COL9A3: variants seen among roughly 807,000 people sequenced by gnomAD.
The protein encoded by COL9A3 is collagen alpha-3(IX) chain.
A neutral mutation model predicts 110.2 loss-of-function variants in COL9A3; 82 were observed. The observed-to-expected ratio is 0.74, with a 90% CI of 0.62 to 0.89. The LOEUF (loss-of-function observed/expected upper bound fraction) is 0.89. Among genes scored for constraint, COL9A3 ranks in the 40% least tolerant of loss-of-function variants. COL9A3 has a pLI of 0.00. For missense variants in COL9A3, 1,066 were observed against 981.3 expected, an observed-to-expected ratio of 1.09 and a Z score of -1.15; for synonymous variants, 494 against 403.8, an observed-to-expected ratio of 1.22 and a Z score of -2.68.
intron 27 of COL9A3, 21 bp from the exon 28 acceptor site, chr20:62,836,166 C>T: frequency 6.2e-7 from 1 of 1,612,288 alleles, no homozygotes; most frequent in South Asian, 1.1e-5. Context: ...CCCTGACCCA[C>T]CTTCCTCTGT....
chr20:62,817,513 C>T, intron 1 of COL9A3, 54 bp from the exon 2 acceptor site: 1 of 1,301,170 alleles, frequency 7.7e-7, no homozygotes, highest in Non-Finnish European at 1.1e-6. Flanking sequence ...GAGGGGACGC[C>T]GGGTCAGGCC....
intron 12 of COL9A3, among the ~76,000 whole-genome samples, 180 bp downstream of exon 12, chr20:62,825,201 T>A (rs138255795): frequency 6.0e-5 from 4 of 67,068 alleles, no homozygotes; most frequent in South Asian, 6.0e-4. Context: ...GCTCCGGCGG[T>A]GGGGAGGGAC....
At chr20:62,824,322 TG>T in intron 10 of COL9A3, 122 bp from the exon 11 acceptor site, 1 of 998,990 alleles carries the variant, frequency 1.0e-6, no homozygotes, top group East Asian at 2.6e-5. Flanking sequence ...CCATGAGGAG[TG>T]GCCTCCCGGG....
chr20:62,830,539 A>T lies in COL9A3; in HGVS notation c.1238A>T (p.Asp413Val). The change falls in exon 24 of 32, where the codon GAC becomes GTC. Residue 413 changes from aspartate to valine, a missense_variant. Coordinates refer to ENST00000649368, the MANE Select transcript of COL9A3 (RefSeq NM_001853.4). ...GFQGQKGSMG[D>V]PGLPGPQGLR... is the part of the protein sequence containing the mutation. ...CAGGGCCAGAAGGGCAGCATGGGAG[A>T]CCCCGGCCTTCCAGGCCCCCAGGGC... 6.2e-7 allele frequency: 1 copy of T among 1,607,634 alleles called. No homozygotes were observed.
intron 19 of COL9A3, among the ~76,000 whole-genome samples, 168 bp downstream of exon 19, chr20:62,829,144 G>A (rs747621830): frequency 3.0e-4 from 46 of 152,220 alleles, no homozygotes; most frequent in Non-Finnish European, 5.4e-4. Context: ...AGTGGGTGCT[G>A]TGGACGGTTG....
At chr20:62,821,589 G>A (rs2063513702) in intron 7 of COL9A3, 59 bp downstream of exon 7, 2 of 1,610,986 alleles carry the variant, frequency 1.2e-6, no homozygotes, top group African/African-American at 1.3e-5. Context: ...GAGCCTGCCA[G>A]GCTGGGATGT....
At chr20:62,832,292 C>T (rs543052918) in intron 25 of COL9A3, 103 bp downstream of exon 25, 1 of 1,151,326 alleles carries the variant, frequency 8.7e-7, no homozygotes, top group East Asian at 2.4e-5. Context: ...GTTTTCGGGA[C>T]ACTGAGCCTC....
In COL9A3 at chr20:62,827,249, A is replaced by G. The variant is rs1179646048; in HGVS notation, c.801A>G (p.Arg267=). ...IPGAPGKAGD[R]GERGPEGFRG... is the part of the protein sequence containing the mutation. ...CACCTCATCCTTTCCAGGGTGACCG[A>G]GGCGAGAGGGGCCCAGAAGGGTTCC... Residue 267 remains arginine (R), a synonymous_variant, in exon 16 of 32, where the codon CGA becomes CGG. Transcript: ENST00000649368. 6.2e-7 allele frequency: 1 copy of G among 1,613,146 alleles called. No individual in the cohort carries two copies. Among genetic ancestry groups the G allele is most frequent in the East Asian group, 2.2e-5 (1 of 44,882 alleles).
intron 26 of COL9A3, 123 bp downstream of exon 26, chr20:62,833,187 C>G: frequency 1.2e-6 from 1 of 832,582 alleles, no homozygotes; most frequent in Non-Finnish European, 2.1e-6. Flanking sequence ...GGCAGCTCTG[C>G]TGGGCAGCGT....
intron 29 of COL9A3, 105 bp from the exon 30 acceptor site, chr20:62,836,978 A>G (rs772137546): frequency 1.4e-6 from 2 of 1,428,736 alleles, no homozygotes; most frequent in Non-Finnish European, 2.0e-6. Flanking sequence ...CAGAAGGAAA[A>G]CTTGCTTCTG....
chr20:62,822,457 G>T, intron 9 of COL9A3, 134 bp from the exon 10 acceptor site: 1 of 950,690 alleles, frequency 1.1e-6, no homozygotes, highest in South Asian at 1.4e-5. Context: ...CCACTTGGGG[G>T]ACAGGATGAA....
chr20:62,817,539 G>C (rs779120355), intron 1 of COL9A3, 28 bp from the exon 2 acceptor site: 1 of 1,502,850 alleles, frequency 6.7e-7, no homozygotes, highest in Admixed American at 2.0e-5. Flanking sequence ...GGGCACCTGC[G>C]CTCCTTAATG....
intron 30 of COL9A3, among the ~76,000 whole-genome samples, chr20:62,837,484 GAAC>G (rs1182152619): frequency 6.6e-6 from 1 of 152,218 alleles, no homozygotes; most frequent in Non-Finnish European, 1.5e-5. Context: ...AATACCATTA[GAAC>G]AATATTTGGC....
At chr20:62,822,981 A>G (rs1224262349) in intron 10 of COL9A3, among the ~76,000 whole-genome samples, 1 of 152,244 alleles carries the variant, frequency 6.6e-6, no homozygotes, top group Non-Finnish European at 1.5e-5. Context: ...AGATGGCGAC[A>G]GAACTGGAGT....
intron 5 of COL9A3, among the ~76,000 whole-genome samples, 164 bp downstream of exon 5, chr20:62,820,146 AGTC>A (rs1038479340): frequency 3.9e-5 from 6 of 152,284 alleles, no homozygotes; most frequent in Admixed American, 3.9e-4. Context: ...CCAAGTGGCC[AGTC>A]CCCTGTGCCT....
chr20:62,827,942 G>C lies in COL9A3; in HGVS notation c.866G>C (p.Gly289Ala). ...CTCTAGGGCAGACCTGGTCCCAAGG[G>C]AACCCCCGGAGTGGCCGGGCCAAGC... is the stretch of plus-strand genomic sequence containing the variant. ...KGDLGRPGPK[G>A]TPGVAGPSGE... is the part of the protein sequence containing the mutation. The change falls in exon 17 of 32, where the codon GGA becomes GCA. Residue 289 changes from glycine (G) to alanine (A), a missense_variant. Transcript: ENST00000649368. 6.2e-7 allele frequency: 1 copy of C among 1,612,974 alleles called. No homozygotes were observed. Among genetic ancestry groups the C allele is most frequent in the Non-Finnish European group, 8.5e-7 (1 of 1,179,990 alleles).
Position 62,829,776 on chromosome 20 carries a change from G to A in COL9A3, c.1118G>A (p.Gly373Asp). The A allele has an allele frequency of 6.3e-7, 1 of 1,590,534 alleles. No individual in the cohort carries two copies. Among genetic ancestry groups the A allele is most frequent in the Non-Finnish European group, 8.6e-7 (1 of 1,169,012 alleles). ...TTCCTTTCCCTGTAGGGAGATGCTG[G>A]CATGCCTGGGGAGCGCGGTGAGGCT... ...SGEPGVPGDA[G>D]MPGERGEAGH... Residue 373 changes from glycine (G) to aspartate (D), a missense_variant, in exon 22 of 32, where the codon GGC (glycine) becomes GAC (aspartate). By Grantham distance (94) the Gly-to-Asp change is moderately conservative. Coordinates refer to ENST00000649368, the MANE Select transcript of COL9A3 (RefSeq NM_001853.4).
At chr20:62,818,266 G>GC (rs1178204349) in intron 2 of COL9A3, among the ~76,000 whole-genome samples, 1 of 152,162 alleles carries the variant, frequency 6.6e-6, no homozygotes, top group Non-Finnish European at 1.5e-5. Flanking sequence ...CCCACCCTCT[G>GC]CCCCCCTGCC....
chr20:62,826,389 T>C, intron 14 of COL9A3, 132 bp downstream of exon 14: 1 of 869,168 alleles, frequency 1.2e-6, no homozygotes, highest in Non-Finnish European at 1.8e-6. Context: ...CCATCGCCAC[T>C]GTGGCGCAGG....
Sources: allele counts gnomAD v4.1 joint callset (sites outside exome capture counted in the v4.1 genomes callset), GRCh38; gene constraint gnomAD v4.1.1; transcripts MANE v1.5; gene names NCBI Gene and HGNC (gene_info 2026-07-23, HGNC 2026-07-21).